The following HEMK2 variants were observed in gnomAD, a reference collection of about 807,000 sequenced individuals.
The protein encoded by HEMK2 is HemK methyltransferase 2, ETF1 glutamine and histone H4 lysine.
the HEMK2 span, among the ~76,000 whole-genome samples, chr21:28,718,230 T>G: frequency 5.9e-5 from 9 of 152,226 alleles, no homozygotes. Flanking sequence ...ATTGTCTAGT[T>G]TTGAGAGATC....
At chr21:28,652,922 T>C in the HEMK2 span, among the ~76,000 whole-genome samples, 1 of 152,138 alleles carries the variant, frequency 6.6e-6, no homozygotes, top group African/African-American at 2.4e-5. Context: ...GCCAGGCAAT[T>C]ACCTGGGAGT....
chr21:28,718,502 C>T, the HEMK2 span, among the ~76,000 whole-genome samples: 1 of 152,082 alleles, frequency 6.6e-6, no homozygotes, highest in Non-Finnish European at 1.5e-5. Context: ...AAAGATCTGT[C>T]TAACAATGTC....
the HEMK2 span, among the ~76,000 whole-genome samples, chr21:28,625,171 G>T: frequency 0.059 from 9,012 of 152,230 alleles, 400 homozygotes; most frequent in Non-Finnish European, 0.084. Flanking sequence ...TAAAAGGAGA[G>T]ATTAGATGCA....
the HEMK2 span, among the ~76,000 whole-genome samples, chr21:28,714,071 A>G: frequency 6.6e-6 from 1 of 152,178 alleles, no homozygotes; most frequent in South Asian, 2.1e-4. Context: ...ACAGTTATAG[A>G]GTTGTCTTCA....
At chr21:28,763,072 G>A in the HEMK2 span, among the ~76,000 whole-genome samples, 1 of 152,224 alleles carries the variant, frequency 6.6e-6, no homozygotes, top group South Asian at 2.1e-4. Context: ...CAAGGTAAAA[G>A]CTTCTGCACA....
the HEMK2 span, among the ~76,000 whole-genome samples, chr21:28,661,571 T>C: frequency 6.6e-6 from 1 of 152,008 alleles, no homozygotes; most frequent in Non-Finnish European, 1.5e-5. Flanking sequence ...CAAATATATA[T>C]ATATATATGT....
the HEMK2 span, among the ~76,000 whole-genome samples, chr21:28,590,426 A>C: frequency 6.6e-6 from 1 of 152,050 alleles, no homozygotes; most frequent in Non-Finnish European, 1.5e-5. Context: ...ATAAAAAAAA[A>C]CTGAATAAAG....
At chr21:28,673,649 G>C in the HEMK2 span, among the ~76,000 whole-genome samples, 9 of 119,960 alleles carry the variant, frequency 7.5e-5, 3 homozygotes, top group East Asian at 2.6e-3. Flanking sequence ...TCAGATGGTA[G>C]TGTCAGATTT....
chr21:28,721,334 C>T, the HEMK2 span, among the ~76,000 whole-genome samples: 4 of 152,132 alleles, frequency 2.6e-5, no homozygotes, highest in East Asian at 1.9e-4. Flanking sequence ...AGGCTGGTCT[C>T]GAACTCCTGG....
At chr21:28,589,508 G>A in the HEMK2 span, among the ~76,000 whole-genome samples, 15 of 152,074 alleles carry the variant, frequency 9.9e-5, no homozygotes, top group African/African-American at 3.4e-4. Context: ...TGATAAACTC[G>A]TTTGCTATGG....
chr21:28,854,052 T>G, the HEMK2 span, among the ~76,000 whole-genome samples: 1 of 152,216 alleles, frequency 6.6e-6, no homozygotes, highest in Non-Finnish European at 1.5e-5. Context: ...TTAGCAGATT[T>G]GAGGCTCAGT....
chr21:28,830,087 T>C, the HEMK2 span, among the ~76,000 whole-genome samples: 1 of 152,174 alleles, frequency 6.6e-6, no homozygotes, highest in African/African-American at 2.4e-5. Context: ...GAGTATATCT[T>C]ATATCTGTAT....
the HEMK2 span, among the ~76,000 whole-genome samples, chr21:28,704,978 C>T: frequency 1.3e-5 from 2 of 152,246 alleles, no homozygotes; most frequent in African/African-American, 2.4e-5. Context: ...TTCGGAGTAA[C>T]GGCCTCCTTC....
At chr21:28,828,448 C>T in the HEMK2 span, among the ~76,000 whole-genome samples, 2 of 152,142 alleles carry the variant, frequency 1.3e-5, no homozygotes, top group African/African-American at 4.8e-5. Flanking sequence ...AACTCTAATA[C>T]GAATGAGGCT....
At chr21:28,772,049 G>A in the HEMK2 span, among the ~76,000 whole-genome samples, 1 of 152,142 alleles carries the variant, frequency 6.6e-6, no homozygotes, top group South Asian at 2.1e-4. Context: ...CAGAGAAAGT[G>A]AAATTATTTC....
the HEMK2 span, among the ~76,000 whole-genome samples, chr21:28,881,315 T>C: frequency 6.6e-6 from 1 of 152,328 alleles, no homozygotes; most frequent in South Asian, 2.1e-4. Flanking sequence ...GATGGAACTA[T>C]GAGGCATTTT....
chr21:28,587,841 T>C, the HEMK2 span, among the ~76,000 whole-genome samples: 20 of 152,244 alleles, frequency 1.3e-4, no homozygotes, highest in African/African-American at 4.8e-4. Context: ...TTGACCATCA[T>C]AGTCCCCTAG....
chr21:28,877,302 GAGAGAGAA>G, the HEMK2 span, among the ~76,000 whole-genome samples: 1 of 43,912 alleles, frequency 2.3e-5, no homozygotes. Flanking sequence ...GGAAGGAAGA[GAGAGAGAA>G]AGAGAGAAAG....
the HEMK2 span, among the ~76,000 whole-genome samples, chr21:28,813,797 G>C: frequency 6.6e-6 from 1 of 152,128 alleles, no homozygotes; most frequent in Non-Finnish European, 1.5e-5. Flanking sequence ...TCTGATCTTT[G>C]ACAAACCTGA....
Sources: allele counts gnomAD v4.1 joint callset (sites outside exome capture counted in the v4.1 genomes callset), GRCh38; gene constraint gnomAD v4.1.1; transcripts MANE v1.5; gene names NCBI Gene and HGNC (gene_info 2026-07-23, HGNC 2026-07-21).